TNFRSF11A: variants seen among roughly 807,000 people sequenced by gnomAD.
The protein encoded by TNFRSF11A is tumor necrosis factor receptor superfamily member 11A.
Under a neutral mutation model 55.7 loss-of-function variants are expected in TNFRSF11A, and 32 were observed. The observed-to-expected ratio is 0.57, with a 90% CI of 0.43 to 0.77. TNFRSF11A has a LOEUF of 0.77. TNFRSF11A is among the 30% of genes least tolerant of loss of function. TNFRSF11A has a pLI of 0.00. For missense variants in TNFRSF11A, 753 were observed against 809.8 expected, an observed-to-expected ratio of 0.93 and a Z score of 0.85; for synonymous variants, 311 against 331.0, an observed-to-expected ratio of 0.94 and a Z score of 0.65.
chr18:62,379,692 G>T (rs1911129872), intron 9 of TNFRSF11A, among the ~76,000 whole-genome samples: 1 of 152,074 alleles, frequency 6.6e-6, no homozygotes, highest in African/African-American at 2.4e-5. Context: ...GAAATTGTAG[G>T]TAAAGCATTC....
At chr18:62,384,343 CCCTCCTTTACCTCCCCTCCTCCTCTCCT>C (rs1911510674) in intron 9 of TNFRSF11A, among the ~76,000 whole-genome samples, 1 of 141,826 alleles carries the variant, frequency 7.1e-6, no homozygotes, top group Non-Finnish European at 1.5e-5. Flanking sequence ...CCTCCTCTTC[CCCTCCTTTACCTCCCCTCCTCCTCTCCT>C]CCTCCTCTTC....
chr18:62,375,891 C>T (rs927075091), intron 9 of TNFRSF11A, among the ~76,000 whole-genome samples: 4 of 152,274 alleles, frequency 2.6e-5, no homozygotes, highest in Middle Eastern at 3.4e-3. Flanking sequence ...CCCAGCCACT[C>T]GGGAGGCTGA....
chr18:62,347,071 C>T (rs779026557), intron 1 of TNFRSF11A, among the ~76,000 whole-genome samples: 1 of 152,208 alleles, frequency 6.6e-6, no homozygotes, highest in Non-Finnish European at 1.5e-5. Flanking sequence ...TACCACCTCC[C>T]TCAGGAAGCC....
intron 1 of TNFRSF11A, among the ~76,000 whole-genome samples, chr18:62,339,931 C>T (rs1464599497): frequency 2.0e-5 from 3 of 152,040 alleles, no homozygotes; most frequent in African/African-American, 7.2e-5. Context: ...AGAAGCTGAC[C>T]AGCTGTGATG....
At position 62,354,445 on chromosome 18, in the gene TNFRSF11A, C is replaced by T. The variant is rs1909092200; in HGVS notation, c.338C>T (p.Ala113Val). 6.3e-7 allele frequency: 1 copy of T among 1,599,582 alleles called. No homozygotes were observed. Among genetic ancestry groups the T allele is most frequent in the African/African-American group, 1.3e-5 (1 of 74,996 alleles). ...AGNSTTPRRCACTAGYHWSQD... is the reference protein window; with the variant it reads ...AGNSTTPRRCVCTAGYHWSQD... ...AACAGCACGACCCCCCGGCGCTGCG[C>T]GTGCACGGCTGGGTACCACTGGAGC... The change falls in exon 4 of 10, where the codon GCG (alanine) becomes GTG (valine). Residue 113 changes from alanine to valine, a missense_variant. Physicochemically the swap from Ala to Val is moderately conservative, Grantham distance 64. Coordinates refer to ENST00000586569, the MANE Select transcript of TNFRSF11A (RefSeq NM_003839.4).
At chr18:62,374,797 C>T (rs190181119) in intron 9 of TNFRSF11A, among the ~76,000 whole-genome samples, 7 of 152,288 alleles carry the variant, frequency 4.6e-5, no homozygotes, top group Non-Finnish European at 8.8e-5. Flanking sequence ...ATCACTGATT[C>T]ATTGTTTCTG....
intron 7 of TNFRSF11A, among the ~76,000 whole-genome samples, chr18:62,365,215 G>A (rs1909991564): frequency 6.6e-6 from 1 of 152,150 alleles, no homozygotes; most frequent in African/African-American, 2.4e-5. Context: ...GCCCACCTCA[G>A]CCTCCCAAAG....
intron 9 of TNFRSF11A, among the ~76,000 whole-genome samples, chr18:62,376,474 T>C (rs1172222392): frequency 6.6e-6 from 1 of 152,116 alleles, no homozygotes; most frequent in Non-Finnish European, 1.5e-5. Flanking sequence ...GACTATTTTT[T>C]AGAGCAGTTT....
chr18:62,338,421 T>G (rs1211396079), intron 1 of TNFRSF11A, among the ~76,000 whole-genome samples: 1 of 152,218 alleles, frequency 6.6e-6, no homozygotes. Context: ...AACCTAGGTG[T>G]CCATCAGTGG....
chr18:62,339,453 T>A (rs550970871), intron 1 of TNFRSF11A, among the ~76,000 whole-genome samples: 13 of 151,628 alleles, frequency 8.6e-5, no homozygotes, highest in African/African-American at 2.9e-4. Context: ...GGGTTGCAAT[T>A]CTCCTTCCTC....
Position 62,345,188 on chromosome 18 carries a change from G to A in TNFRSF11A, c.76-2980G>A, listed in dbSNP as rs774083915. 7.2e-5 allele frequency among the ~76,000 whole-genome samples: 11 copies of A among 152,278 alleles called. No individual in the cohort carries two copies. In the Middle Eastern group the frequency reaches 0.01, roughly 141 times the overall value. On this transcript the variant is annotated intron_variant, in intron 1 of 9. Transcript: ENST00000586569. The stretch of plus-strand genomic sequence containing the variant: ...GAGACCAGCACAGGGCACGCTTTAC[G>A]GGCTGTGTGGGGAGGAAAAGGGTCT...
intron 9 of TNFRSF11A, 105 bp from the exon 10 acceptor site, chr18:62,384,646 G>A (rs1158619004): frequency 2.8e-5 from 39 of 1,392,480 alleles, no homozygotes; most frequent in South Asian, 1.0e-4. Flanking sequence ...CCGGGCTGTG[G>A]GAATCCGGGG....
chr18:62,334,991 G>C (rs540208212), intron 1 of TNFRSF11A, among the ~76,000 whole-genome samples: 1 of 152,150 alleles, frequency 6.6e-6, no homozygotes, highest in Non-Finnish European at 1.5e-5. Context: ...TGGAACCTCT[G>C]TCTTAAACCT....
At chr18:62,367,066 T>C (rs1910144765) in intron 8 of TNFRSF11A, among the ~76,000 whole-genome samples, 1 of 152,212 alleles carries the variant, frequency 6.6e-6, no homozygotes, top group African/African-American at 2.4e-5. Flanking sequence ...GCCACGCTAG[T>C]CTCGAACTCC....
intron 8 of TNFRSF11A, among the ~76,000 whole-genome samples, chr18:62,367,788 C>CTTTTTTTTTTTTTTTTTTTTTTTTTTTTT (rs67721371): frequency 1.3e-5 from 1 of 78,670 alleles, no homozygotes; most frequent in East Asian, 4.0e-4. Context: ...TCTTCTTCTT[C>CTTTTTTTTTTTTTTTTTTTTTTTTTTTTT]TTTTTTTTTT....
chr18:62,340,908 C>T (rs989407707), intron 1 of TNFRSF11A, among the ~76,000 whole-genome samples: 1 of 152,232 alleles, frequency 6.6e-6, no homozygotes, highest in Non-Finnish European at 1.5e-5. Context: ...CTCACGGTCT[C>T]TTATAACACA....
intron 4 of TNFRSF11A, among the ~76,000 whole-genome samples, chr18:62,355,700 T>C (rs1909207293): frequency 6.6e-6 from 1 of 150,670 alleles, no homozygotes; most frequent in African/African-American, 2.4e-5. Context: ...CCTATTTTGC[T>C]ATATTATAAT....
chr18:62,384,901 A>G lies in TNFRSF11A; in HGVS notation c.1718A>G (p.Glu573Gly), dbSNP rs779127185. The change falls in exon 10 of 10, where the codon GAG becomes GGG. Residue 573 changes from glutamate to glycine, a missense_variant. Around this residue, in one of 3 missense-constraint regions of TNFRSF11A, gnomAD observed 567 missense variants for 596.7 expected, o/e 0.95. Coordinates refer to ENST00000586569, the MANE Select transcript of TNFRSF11A (RefSeq NM_003839.4). ...AEPMGRPVQE[E>G]TLARRDSFAG... Reference sequence around the variant, plus strand: ...CCCATGGGCCGCCCGGTGCAGGAGGAGACCCTGGCGCGCCGAGACTCCTTC... The same window carrying G: ...CCCATGGGCCGCCCGGTGCAGGAGGGGACCCTGGCGCGCCGAGACTCCTTC... The G allele has an allele frequency of 4.2e-5, 67 of 1,578,328 alleles. No individual in the cohort carries two copies. The highest frequency in any genetic ancestry group is 1.7e-4 in the Middle Eastern group (1 of 6,006).
chr18:62,341,836 C>CTTTTTT (rs34047775), intron 1 of TNFRSF11A, among the ~76,000 whole-genome samples: 12 of 85,202 alleles, frequency 1.4e-4, no homozygotes, highest in East Asian at 4.5e-4. Flanking sequence ...CTGAGAATGG[C>CTTTTTT]TTTTTTTTTT....
Sources: allele counts gnomAD v4.1 joint callset (sites outside exome capture counted in the v4.1 genomes callset), GRCh38; gene constraint gnomAD v4.1.1; regional missense constraint gnomAD v4.1.1; transcripts MANE v1.5; gene names NCBI Gene and HGNC (gene_info 2026-07-23, HGNC 2026-07-21).